ABCA1: variants seen among roughly 807,000 people sequenced by gnomAD.
ABCA1 encodes the protein ATP binding cassette subfamily A member 1, also known as phospholipid-transporting ATPase ABCA1.
A neutral mutation model predicts 262.5 loss-of-function variants in ABCA1; 133 were observed. That is an observed-to-expected ratio of 0.51 (90% confidence interval 0.44 to 0.59). ABCA1 has a LOEUF of 0.59. Ranked by LOEUF, ABCA1 falls within the 20% of genes least tolerant of loss-of-function variation. The pLI, the probability that ABCA1 is intolerant of heterozygous loss-of-function variation, is 0.00. For missense variants in ABCA1, 2,452 were observed against 2,777.5 expected, an observed-to-expected ratio of 0.88 and a Z score of 2.63; for synonymous variants, 1,022 against 1,043.5, an observed-to-expected ratio of 0.98 and a Z score of 0.40.
chr9:104,926,489 C>T (rs10991418), intron 1 of ABCA1, among the ~76,000 whole-genome samples: 22,090 of 145,024 alleles, frequency 0.15, 1,796 homozygotes, highest in Middle Eastern at 0.22. Context: ...AAAAACAAAA[C>T]GGGCTTTCGC....
chr9:104,893,796 T>C (rs1305928197), intron 2 of ABCA1, among the ~76,000 whole-genome samples: 1 of 152,162 alleles, frequency 6.6e-6, no homozygotes, highest in African/African-American at 2.4e-5. Context: ...GACATTCTAT[T>C]TGACACCACG....
intron 19 of ABCA1, 47 bp from the exon 20 acceptor site, chr9:104,821,553 T>G (rs1335182753): frequency 6.2e-6 from 10 of 1,610,182 alleles, no homozygotes; most frequent in African/African-American, 1.3e-5. Context: ...TGACCTACCC[T>G]TAACTCTAGA....
chr9:104,897,639 G>A (rs867280324), intron 2 of ABCA1, among the ~76,000 whole-genome samples: 1 of 152,136 alleles, frequency 6.6e-6, no homozygotes, highest in South Asian at 2.1e-4. Context: ...GTCTCGCTCT[G>A]TCACCCAGGC....
chr9:104,881,722 T>A (rs1838672772), intron 5 of ABCA1, among the ~76,000 whole-genome samples: 1 of 152,070 alleles, frequency 6.6e-6, no homozygotes, highest in South Asian at 2.1e-4. Flanking sequence ...GCAGGGGCTC[T>A]CCAGTAAATA....
At chr9:104,864,848 CTGTTA>C (rs1836944415) in intron 5 of ABCA1, among the ~76,000 whole-genome samples, 1 of 152,132 alleles carries the variant, frequency 6.6e-6, no homozygotes, top group African/African-American at 2.4e-5. Flanking sequence ...TATAAGACTT[CTGTTA>C]TGTTAACAGG....
intron 1 of ABCA1, among the ~76,000 whole-genome samples, chr9:104,926,126 T>C (rs554593916): frequency 2.6e-5 from 4 of 152,300 alleles, no homozygotes; most frequent in African/African-American, 9.6e-5. Context: ...GGCAAGTGAC[T>C]TGCTGATTTC....
chr9:104,919,714 A>G (rs2515616), intron 1 of ABCA1, among the ~76,000 whole-genome samples: 122,938 of 152,204 alleles, frequency 0.81, 49,682 homozygotes, highest in Middle Eastern at 0.84. Context: ...CAAGAACAGT[A>G]TCTCACTAAA....
chr9:104,856,797 A>G (rs923365694), intron 7 of ABCA1, among the ~76,000 whole-genome samples: 3 of 152,178 alleles, frequency 2.0e-5, no homozygotes, highest in Non-Finnish European at 4.4e-5. Flanking sequence ...AAGGGTGAGC[A>G]TTTGTCATGC....
chr9:104,856,154 A>T, intron 7 of ABCA1: 1 of 1,493,678 alleles, frequency 6.7e-7, no homozygotes, highest in Non-Finnish European at 8.9e-7. Flanking sequence ...ATGCAAATCA[A>T]GTATCAGTCC....
chr9:104,838,741 A>G (rs1368525700), intron 9 of ABCA1, among the ~76,000 whole-genome samples: 2 of 152,148 alleles, frequency 1.3e-5, no homozygotes. Context: ...CCTGATTTTT[A>G]AAAATTCATT....
chr9:104,835,849 A>C (rs1156803877), intron 11 of ABCA1, among the ~76,000 whole-genome samples: 1 of 152,224 alleles, frequency 6.6e-6, no homozygotes, highest in Admixed American at 6.5e-5. Flanking sequence ...ATTTCAGACT[A>C]GGGAACCATC....
intron 5 of ABCA1, among the ~76,000 whole-genome samples, chr9:104,882,005 A>C (rs1588494103): frequency 7.0e-6 from 1 of 143,530 alleles, no homozygotes. Flanking sequence ...TTACTGCCCA[A>C]GGAAAGCACA....
At chr9:104,895,901 C>G (rs1840161085) in intron 2 of ABCA1, among the ~76,000 whole-genome samples, 1 of 152,166 alleles carries the variant, frequency 6.6e-6, no homozygotes, top group South Asian at 2.1e-4. Context: ...ACAGAGAAAA[C>G]TAGCAGAATA....
At chr9:104,876,351 G>A (rs920250988) in intron 5 of ABCA1, among the ~76,000 whole-genome samples, 10 of 152,134 alleles carry the variant, frequency 6.6e-5, no homozygotes, top group South Asian at 2.1e-4. Flanking sequence ...GCCCTATCCC[G>A]GGAAGGCAAG....
chr9:104,816,465 T>C, intron 24 of ABCA1, 120 bp from the exon 25 acceptor site: 3 of 914,892 alleles, frequency 3.3e-6, no homozygotes, highest in Middle Eastern at 6.4e-4. Flanking sequence ...CTGTTCCAGG[T>C]GTTTAGGTCA....
chr9:104,784,780 A>T (rs1201989685), intron 49 of ABCA1, among the ~76,000 whole-genome samples: 2 of 152,112 alleles, frequency 1.3e-5, no homozygotes, highest in Non-Finnish European at 2.9e-5. Flanking sequence ...AGTAGCTGGG[A>T]CTACAAGTGC....
intron 30 of ABCA1, among the ~76,000 whole-genome samples, chr9:104,807,881 TA>T (rs5899619): frequency 0.05 from 6,616 of 133,260 alleles, 404 homozygotes; most frequent in African/African-American, 0.15. Flanking sequence ...CACACATATA[TA>T]TATTATAAAT....
rs1008587690 is a variant in ABCA1 at position 104,856,151 on chromosome 9, T to G, written c.720+2371A>C. 7 of 1,499,070 alleles carry G rather than the reference T, an allele frequency of 4.7e-6. No homozygotes were observed. In the African/African-American group the frequency reaches 9.7e-5, roughly 21 times the overall value. 92.9% of individuals were successfully genotyped at this position (1,499,070 alleles called of 1,614,324 possible). A position where few individuals can be genotyped will look rare whatever the true frequency, so the allele number is the denominator to read the frequency against. On this transcript the variant is annotated intron_variant, in intron 7 of 49. Transcript: ENST00000374736. ...ATAGAAAAAGGCTGCTTAATGCAAA[T>G]CAAGTATCAGTCCCAGCATTCCAAT...
chr9:104,876,812 G>C (rs1280302717), intron 5 of ABCA1, among the ~76,000 whole-genome samples: 1 of 152,184 alleles, frequency 6.6e-6, no homozygotes, highest in Non-Finnish European at 1.5e-5. Context: ...GGGGAGTGAG[G>C]ATGACTCCAG....
Sources: gnomAD v4.1 joint callset for allele counts (sites outside exome capture counted in the v4.1 genomes callset) on GRCh38, gnomAD v4.1.1 for gene constraint, MANE v1.5 for transcripts, NCBI Gene and HGNC (gene_info 2026-07-23, HGNC 2026-07-21) for gene names.